The following PIAS1 variants were observed in gnomAD, a reference collection of about 807,000 sequenced individuals.
PIAS1 encodes protein inhibitor of activated STAT 1, also known as E3 SUMO-protein ligase PIAS1.
Under a neutral mutation model 71.3 loss-of-function variants are expected in PIAS1, and 6 were observed. The observed-to-expected ratio is 0.08, with a 90% confidence interval of 0.05 to 0.17. The LOEUF is 0.17. PIAS1 is among the 10% of genes least tolerant of loss of function. PIAS1 has a pLI of 1.00. For synonymous variants in PIAS1, 303 were observed against 292.9 expected, an observed-to-expected ratio of 1.03 and a Z score of -0.35; for missense variants, 555 against 793.6, an observed-to-expected ratio of 0.70 and a Z score of 3.61.
At chr15:68,057,640 T>C (rs1418335639) in intron 1 of PIAS1, 1 of 291,474 alleles carries the variant, frequency 3.4e-6, no homozygotes, top group African/African-American at 2.3e-5. Flanking sequence ...CTACTTAATT[T>C]TGATCCTTAC....
At chr15:68,115,028 A>G (rs1483859498) in intron 2 of PIAS1, among the ~76,000 whole-genome samples, 1 of 152,204 alleles carries the variant, frequency 6.6e-6, no homozygotes, top group African/African-American at 2.4e-5. Flanking sequence ...CCCCATGACC[A>G]TTGTAAGTAC....
Position 68,191,898 on chromosome 15 carries a change from C to T in PIAS1, c.*4063C>T, listed in dbSNP as rs1276079323. On this transcript the variant is annotated 3_prime_UTR_variant, in exon 14 of 14. Transcript: ENST00000249636. ...TGAATCCCTTAATGAGCAGGGAGTC[C>T]GTGAAGAGGAGCCCCAGGTTCTAAT... 6 of 152,120 alleles carry T rather than the reference C, an allele frequency of 3.9e-5. No individual in the cohort carries two copies. The highest frequency in any genetic ancestry group is 1.2e-4 in the African/African-American group (5 of 41,422). 9.4% of individuals were successfully genotyped at this position (152,120 alleles called of 1,614,324 possible).
At chr15:68,163,878 A>G (rs1050167970) in intron 7 of PIAS1, among the ~76,000 whole-genome samples, 1 of 152,130 alleles carries the variant, frequency 6.6e-6, no homozygotes, top group Non-Finnish European at 1.5e-5. Flanking sequence ...GGAATATTAC[A>G]TATATGTATT....
In PIAS1 at chr15:68,073,461, A is replaced by G. The variant is rs754293742; in HGVS notation, c.25-12845A>G. On this transcript the variant is annotated intron_variant, in intron 1 of 13. Transcript: ENST00000249636. ...GAGCATGTATTTTGGTTAAGAATTG[A>G]CAAGTAAACAGGGCCTCTCTACATA... 3.3e-5 allele frequency among the ~76,000 whole-genome samples: 5 copies of G among 152,380 alleles called. 1 individual carries two copies. Among genetic ancestry groups the G allele is most frequent in the South Asian group, 4.1e-4 (2 of 4,834 alleles).
At chr15:68,132,530 G>T (rs1043780662) in intron 2 of PIAS1, among the ~76,000 whole-genome samples, 2 of 151,910 alleles carry the variant, frequency 1.3e-5, no homozygotes, top group African/African-American at 4.8e-5. Flanking sequence ...CAGCAAAGAA[G>T]TCACCCTGGA....
At chr15:68,115,692 T>A in intron 2 of PIAS1, among the ~76,000 whole-genome samples, 1 of 152,146 alleles carries the variant, frequency 6.6e-6, no homozygotes, top group East Asian at 1.9e-4. Context: ...CTGTCTATTA[T>A]CGATTTGAAG....
In PIAS1 at chr15:68,190,074, T is replaced by C. The variant is rs1483163246; in HGVS notation, c.*2239T>C. The stretch of plus-strand genomic sequence containing the variant: ...TTCTGATCAGTAACTTTGTGTATGA[T>C]GCTGAATTACAAACCGTTTGAATGA... On this transcript the variant is annotated 3_prime_UTR_variant, in exon 14 of 14. Coordinates refer to ENST00000249636, the MANE Select transcript of PIAS1 (RefSeq NM_016166.3). The surrounding 1 kb of genome is among the most constrained non-coding windows in gnomAD (Gnocchi z 4.7). 1 of 152,128 alleles carries C rather than the reference T, an allele frequency of 6.6e-6. No individual in the cohort carries two copies. The highest frequency in any genetic ancestry group is 1.5e-5 in the Non-Finnish European group (1 of 67,994). 9.4% of individuals were successfully genotyped at this position (152,128 alleles called of 1,614,324 possible). A position where few individuals can be genotyped will look rare whatever the true frequency, so the allele number is the denominator to read the frequency against.
intron 7 of PIAS1, among the ~76,000 whole-genome samples, chr15:68,157,228 T>C (rs1194376829): frequency 2.6e-5 from 4 of 152,184 alleles, no homozygotes; most frequent in Non-Finnish European, 4.4e-5. Context: ...GTAGAGATGC[T>C]TGGTAACAGT....
chr15:68,187,475 TGAG>T lies in PIAS1; in HGVS notation c.1663-63_1663-61del. ...TCTTAAATTTAGGGCTGTGTCCCGCTGAGGAGAAAATATATTAATTTGGAAGTA... is the reference window on the plus strand; with the variant it reads ...TCTTAAATTTAGGGCTGTGTCCCGCTGAGAAAATATATTAATTTGGAAGTA... On this transcript the variant is annotated intron_variant, in intron 13 of 13. Transcript: ENST00000249636. This position sits in a 1 kb window ranked among gnomAD's most constrained non-coding sequence, Gnocchi z 5.3. 3 of 1,427,844 alleles carry T rather than the reference TGAG, an allele frequency of 2.1e-6. No homozygotes were observed. The highest frequency in any genetic ancestry group is 2.9e-6 in the Non-Finnish European group (3 of 1,023,976). 88.4% of individuals were successfully genotyped at this position (1,427,844 alleles called of 1,614,324 possible).
At chr15:68,074,121 G>T (rs1002820805) in intron 1 of PIAS1, among the ~76,000 whole-genome samples, 2 of 152,152 alleles carry the variant, frequency 1.3e-5, no homozygotes, top group African/African-American at 4.8e-5. Context: ...AGCAGATGTG[G>T]ATTTGGAGTT....
chr15:68,148,692 G>A (rs1375408268), intron 6 of PIAS1, among the ~76,000 whole-genome samples: 1 of 152,180 alleles, frequency 6.6e-6, no homozygotes. Flanking sequence ...CTCCCCAAGT[G>A]TGGGATTACA....
chr15:68,176,032 C>G (rs1430662961), intron 10 of PIAS1, among the ~76,000 whole-genome samples: 1 of 151,924 alleles, frequency 6.6e-6, no homozygotes, highest in African/African-American at 2.4e-5. Context: ...TGAAACTGTA[C>G]CCTTTTTAAA....
chr15:68,180,375 G>C lies in PIAS1; in HGVS notation c.1482-837G>C, dbSNP rs2093046634. On this transcript the variant is annotated intron_variant, in intron 11 of 13. Coordinates refer to ENST00000249636, the MANE Select transcript of PIAS1 (RefSeq NM_016166.3). ...GCCTCCCGAAGTATGGGGATTACAGGAATGAGCCACCATGCCTGGCCCCAA... is the reference window on the plus strand; with the variant it reads ...GCCTCCCGAAGTATGGGGATTACAGCAATGAGCCACCATGCCTGGCCCCAA... Among the ~76,000 whole-genome samples, 4 of 151,938 alleles carry C rather than the reference G, an allele frequency of 2.6e-5. No individual in the cohort carries two copies. The South Asian group carries it at 8.3e-4, about 32-fold the overall frequency.
chr15:68,150,685 T>C (rs2092838048), intron 6 of PIAS1, among the ~76,000 whole-genome samples: 2 of 152,224 alleles, frequency 1.3e-5, no homozygotes, highest in Non-Finnish European at 2.9e-5. Flanking sequence ...TAAACTCTCA[T>C]TATTTGTAGA....
At chr15:68,116,188 T>G (rs1166312951) in intron 2 of PIAS1, among the ~76,000 whole-genome samples, 1 of 152,096 alleles carries the variant, frequency 6.6e-6, no homozygotes, top group Non-Finnish European at 1.5e-5. Context: ...ATTTTTTTCT[T>G]AAGTATTTGG....
intron 2 of PIAS1, among the ~76,000 whole-genome samples, chr15:68,103,861 G>T (rs1280157041): frequency 6.6e-6 from 1 of 152,160 alleles, no homozygotes; most frequent in African/African-American, 2.4e-5. Flanking sequence ...CAGTTGATGG[G>T]CATCTGAGTT....
Position 68,123,863 on chromosome 15 carries a change from A to G in PIAS1, c.470-18083A>G, listed in dbSNP as rs138804828. 2.6e-4 allele frequency among the ~76,000 whole-genome samples: 40 copies of G among 152,324 alleles called. 1 individual carries two copies. The East Asian group carries it at 3.3e-3, about 12-fold the overall frequency. ...CTACTGCTATGCTTCATTGTAAATG[A>G]TAATGTTGATCTGTATTTGTACCAT... On this transcript the variant is annotated intron_variant, in intron 2 of 13. Transcript: ENST00000249636.
At chr15:68,183,160 A>G (rs536122635) in intron 12 of PIAS1, among the ~76,000 whole-genome samples, 2 of 152,352 alleles carry the variant, frequency 1.3e-5, no homozygotes, top group African/African-American at 4.8e-5. Flanking sequence ...ATCTGATAGC[A>G]AATGAGCAAA....
At chr15:68,152,995 C>T (rs1318757125) in intron 6 of PIAS1, among the ~76,000 whole-genome samples, 1 of 150,424 alleles carries the variant, frequency 6.6e-6, no homozygotes, top group Non-Finnish European at 1.5e-5. Flanking sequence ...GCCAAACCAG[C>T]AGCTTCTGTT....
Sources: allele counts gnomAD v4.1 joint callset (sites outside exome capture counted in the v4.1 genomes callset), GRCh38; gene constraint gnomAD v4.1.1; non-coding constraint Gnocchi (gnomAD v3.1); transcripts MANE v1.5; gene names NCBI Gene and HGNC (gene_info 2026-07-23, HGNC 2026-07-21).